Variants in ZNF316 observed in about 807,000 individuals in gnomAD.
The protein encoded by ZNF316 is zinc finger protein 316.
A neutral mutation model predicts 75.6 loss-of-function variants in ZNF316; 23 were observed. The observed-to-expected ratio is 0.30, with a 90% CI of 0.22 to 0.43. ZNF316 has a LOEUF of 0.43. Ranked by LOEUF, ZNF316 falls within the 20% of genes least tolerant of loss-of-function variation. The pLI, the probability that ZNF316 is intolerant of heterozygous loss-of-function variation, is 1.00. For missense variants in ZNF316, 1,266 were observed against 1,409.4 expected (o/e 0.90, Z 1.63); for synonymous variants, 827 against 666.2 (o/e 1.24, Z -3.72).
intron 8 of ZNF316, among the ~76,000 whole-genome samples, chr7:6,648,166 G>C (rs1779442995): frequency 6.6e-6 from 1 of 152,114 alleles, no homozygotes; most frequent in South Asian, 2.1e-4. Context: ...CAGGGCCTGA[G>C]GGCCTTGGCA....
intron 8 of ZNF316, among the ~76,000 whole-genome samples, chr7:6,650,643 G>A (rs896262911): frequency 6.6e-6 from 1 of 152,200 alleles, no homozygotes; most frequent in Admixed American, 6.5e-5. Context: ...TTTCCCTCTA[G>A]GGCAGCACTC....
At position 6,655,728 on chromosome 7, in the gene ZNF316, A is replaced by G. The variant is rs1246587634; in HGVS notation, c.*1117A>G. Reference sequence around the variant, plus strand: ...GTTTCTGTTTAGAGTCCCATTTCACAAATTGGTTAGTGGAGGCACCCGTGG... The same window carrying G: ...GTTTCTGTTTAGAGTCCCATTTCACGAATTGGTTAGTGGAGGCACCCGTGG... On this transcript the variant is annotated 3_prime_UTR_variant, in exon 9 of 9. Transcript: ENST00000382252. 2.0e-5 allele frequency: 3 copies of G among 152,212 alleles called. No homozygotes were observed. Among genetic ancestry groups the G allele is most frequent in the African/African-American group, 7.2e-5 (3 of 41,432 alleles). The allele number at this position is 152,212 out of a possible 1,614,324, so 9.4% of individuals were successfully genotyped here.
At position 6,639,623 on chromosome 7, in the gene ZNF316, G is replaced by C. The variant is rs1252753208; in HGVS notation, c.-167+482G>C. On this transcript the variant is annotated intron_variant, in intron 3 of 8. Transcript: ENST00000382252. The surrounding 1 kb of genome is among the most constrained non-coding windows in gnomAD (Gnocchi z 4.2). ...GTTCTTCTGTTGTGTCCTCATATAT[G>C]GCGGCCTGGCTCTGGGAGTTTAAAG... 1.3e-5 allele frequency among the ~76,000 whole-genome samples: 2 copies of C among 152,198 alleles called. No individual in the cohort carries two copies. The highest frequency in any genetic ancestry group is 4.8e-5 in the African/African-American group (2 of 41,432).
chr7:6,652,601 A>G lies in ZNF316; in HGVS notation c.1005A>G (p.Ala335=), dbSNP rs1779529178. 2 of 1,230,402 alleles carry G rather than the reference A, an allele frequency of 1.6e-6. No homozygotes were observed. Among genetic ancestry groups the G allele is most frequent in the African/African-American group, 1.6e-5 (1 of 64,438 alleles). 76.2% of individuals were successfully genotyped at this position (1,230,402 alleles called of 1,614,324 possible). Residue 335 remains alanine (A), a synonymous_variant, in exon 9 of 9, where the codon GCA becomes GCG. Transcript: ENST00000382252. The part of the protein sequence containing the change: ...NLLSPWAFPA[A]VAPPAGRPET... The stretch of plus-strand genomic sequence containing the variant: ...TGTCGCCCTGGGCGTTCCCCGCCGC[A>G]GTGGCCCCGCCGGCCGGGAGGCCGG...
At position 6,654,841 on chromosome 7, in the gene ZNF316, A is replaced by C. The variant is rs1583448632; in HGVS notation, c.*230A>C. 1 of 301,798 alleles carries C rather than the reference A, an allele frequency of 3.3e-6. No individual in the cohort carries two copies. Among genetic ancestry groups the C allele is most frequent in the East Asian group, 6.2e-5 (1 of 16,144 alleles). The allele number at this position is 301,798 out of a possible 1,614,324, so 18.7% of individuals were successfully genotyped here. ...AGAGCAGCGCGGAGGCAGCGAGGCC[A>C]GGACGTCACCCCCACGGAGACTGCG... On this transcript the variant is annotated 3_prime_UTR_variant, in exon 9 of 9. Coordinates refer to ENST00000382252, the MANE Select transcript of ZNF316 (RefSeq NM_001278559.2).
At position 6,652,372 on chromosome 7, in the gene ZNF316, T is replaced by C. The variant is rs1583446497; in HGVS notation, c.776T>C (p.Val259Ala). 2 of 1,232,030 alleles carry C rather than the reference T, an allele frequency of 1.6e-6. No individual in the cohort carries two copies. Among genetic ancestry groups the C allele is most frequent in the Non-Finnish European group, 2.0e-6 (2 of 988,044 alleles). 76.3% of individuals were successfully genotyped at this position (1,232,030 alleles called of 1,614,324 possible). A position where few individuals can be genotyped will look rare whatever the true frequency, so the allele number is the denominator to read the frequency against. ...GACGACGAGGACTTCCTGGCGGAGG[T>C]GGCCGAGGAGGAGAACGAGCCCCCA... The part of the protein sequence containing the change: ...EEDDEDFLAE[V>A]AEEENEPPGL... Residue 259 changes from valine (V) to alanine (A), a missense_variant, in exon 9 of 9, where the codon GTG becomes GCG. This residue lies in a region of ZNF316 where 961 missense variants were observed against 990.9 expected (regional missense o/e 0.97). Coordinates refer to ENST00000382252, the MANE Select transcript of ZNF316 (RefSeq NM_001278559.2).
chr7:6,643,106 A>G (rs1358202565), intron 6 of ZNF316, 33 bp downstream of exon 6: 5 of 1,232,730 alleles, frequency 4.1e-6, no homozygotes, highest in Non-Finnish European at 5.1e-6. Context: ...GGCTTGGGTA[A>G]CCTGGGCAGG....
At chr7:6,650,273 T>TGGGG (rs1246113918) in intron 8 of ZNF316, among the ~76,000 whole-genome samples, 1 of 152,178 alleles carries the variant, frequency 6.6e-6, no homozygotes, top group Admixed American at 6.5e-5. Context: ...TGGCCACTGA[T>TGGGG]GGGGACGGGG....
chr7:6,657,643 C>G lies in ZNF316; in HGVS notation c.*3032C>G, dbSNP rs371465432. ...GATGGATTCCTTGAGCTCAGGAGTT[C>G]GAGGCCAGCTGGGACAACACGGCAA... On this transcript the variant is annotated 3_prime_UTR_variant, in exon 9 of 9. Coordinates refer to ENST00000382252, the MANE Select transcript of ZNF316 (RefSeq NM_001278559.2). 1.2e-3 allele frequency among the ~76,000 whole-genome samples: 186 copies of G among 151,886 alleles called. No homozygotes were observed. Among genetic ancestry groups the G allele is most frequent in the African/African-American group, 4.3e-3 (177 of 41,382 alleles).
In ZNF316 at chr7:6,645,310, A is replaced by AGGTGTCT. The variant is rs1349412923; in HGVS notation, c.706+721_706+727dup. On this transcript the variant is annotated intron_variant, in intron 8 of 8. Transcript: ENST00000382252. ...AGCTCTGCAGAGGCCCCTGCCCCAC[A>AGGTGTCT]GGTGTCTGGTTTGGGGCTAGGTGAT... is the stretch of plus-strand genomic sequence containing the variant. Among the ~76,000 whole-genome samples the AGGTGTCT allele has an allele frequency of 2.6e-5, 4 of 152,304 alleles. No homozygotes were observed. In the East Asian group the frequency reaches 7.7e-4, roughly 29 times the overall value.
chr7:6,653,724 C>G lies in ZNF316; in HGVS notation c.2128C>G (p.Gln710Glu). The G allele has an allele frequency of 9.1e-7, 1 of 1,100,566 alleles. No homozygotes were observed. The highest frequency in any genetic ancestry group is 1.1e-6 in the Non-Finnish European group (1 of 902,304). 68.2% of individuals were successfully genotyped at this position (1,100,566 alleles called of 1,614,324 possible). A position where few individuals can be genotyped will look rare whatever the true frequency, so the allele number is the denominator to read the frequency against. ...GCGCCGGGCCGCGCTGGCCAAGCAC[C>G]AGCGCTACCACGCGGGCGAGCGGCC... Reference protein sequence around the residue: ...FGRRAALAKHQRYHAGERPHR... With the variant: ...FGRRAALAKHERYHAGERPHR... The change falls in exon 9 of 9, where the codon CAG (glutamine) becomes GAG (glutamate). Residue 710 changes from glutamine to glutamate, a missense_variant. Transcript: ENST00000382252.
chr7:6,642,298 C>T lies in ZNF316; in HGVS notation c.-28-84C>T. The T allele has an allele frequency of 1.6e-6, 1 of 617,918 alleles. No individual in the cohort carries two copies. The highest frequency in any genetic ancestry group is 2.3e-6 in the Non-Finnish European group (1 of 427,184). 38.3% of individuals were successfully genotyped at this position (617,918 alleles called of 1,614,324 possible). A position where few individuals can be genotyped will look rare whatever the true frequency, so the allele number is the denominator to read the frequency against. On this transcript the variant is annotated intron_variant, in intron 4 of 8. Coordinates refer to ENST00000382252, the MANE Select transcript of ZNF316 (RefSeq NM_001278559.2). The surrounding 1 kb of genome is among the most constrained non-coding windows in gnomAD (Gnocchi z 8.1). The stretch of plus-strand genomic sequence containing the variant: ...GAGGAGTAAATCCTGCTCCCTGCGC[C>T]CCCGCCAGGCTGCGGGAGACCCTGT...
At position 6,652,465 on chromosome 7, in the gene ZNF316, C is replaced by T. The variant is rs62439671; in HGVS notation, c.869C>T (p.Ser290Leu). ...ACGTGGGGGCCCGACGACTCGGATT[C>T]GGCGCAGACTCCAGAGGGGTGGGGA... The part of the protein sequence containing the change: ...PGTWGPDDSD[S>L]AQTPEGWGPD... The change falls in exon 9 of 9, where the codon TCG becomes TTG. Residue 290 changes from serine (S) to leucine (L), a missense_variant. Physicochemically the swap from Ser to Leu is moderately radical, Grantham distance 145. Coordinates refer to ENST00000382252, the MANE Select transcript of ZNF316 (RefSeq NM_001278559.2). 0.034 allele frequency: 42,244 copies of T among 1,231,702 alleles called. 834 individuals are homozygous for T. Among genetic ancestry groups the T allele is most frequent in the South Asian group, 0.046 (1,122 of 24,308 alleles). 76.3% of individuals were successfully genotyped at this position (1,231,702 alleles called of 1,614,324 possible). A position where few individuals can be genotyped will look rare whatever the true frequency, so the allele number is the denominator to read the frequency against.
At position 6,642,784 on chromosome 7, in the gene ZNF316, T is replaced by C; in HGVS notation, c.355+20T>C. 1 of 1,233,288 alleles carries C rather than the reference T, an allele frequency of 8.1e-7. No individual in the cohort carries two copies. Among genetic ancestry groups the C allele is most frequent in the Non-Finnish European group, 1.0e-6 (1 of 988,880 alleles). 76.4% of individuals were successfully genotyped at this position (1,233,288 alleles called of 1,614,324 possible). On this transcript the variant is annotated intron_variant, in intron 5 of 8. Coordinates refer to ENST00000382252, the MANE Select transcript of ZNF316 (RefSeq NM_001278559.2). The surrounding 1 kb of genome is among the most constrained non-coding windows in gnomAD (Gnocchi z 8.1). ...AAAAGGGTAAGAAAAGCAGCCAGCC[T>C]TGGGGAGGAGATGAAGGGGGCTGAG...
rs1345556586 is a variant in ZNF316, at chr7:6,654,766, C to T, written c.*155C>T. On this transcript the variant is annotated 3_prime_UTR_variant, in exon 9 of 9. Coordinates refer to ENST00000382252, the MANE Select transcript of ZNF316 (RefSeq NM_001278559.2). ...TCGCCCTGCGGCCCCGGGTCTCATG[C>T]CCGCCGGGTCCGTGTGCTCAGCCGG... 2 of 589,330 alleles carry T rather than the reference C, an allele frequency of 3.4e-6. No homozygotes were observed. Among genetic ancestry groups the T allele is most frequent in the East Asian group, 5.2e-5 (1 of 19,050 alleles). 36.5% of individuals were successfully genotyped at this position (589,330 alleles called of 1,614,324 possible).
rs1383883677 is a variant in ZNF316 at position 6,654,627 on chromosome 7, C to A, written c.*16C>A. The A allele has an allele frequency of 1.7e-6, 2 of 1,183,442 alleles. No homozygotes were observed. Among genetic ancestry groups the A allele is most frequent in the Non-Finnish European group, 1.0e-6 (1 of 956,634 alleles). The allele number at this position is 1,183,442 out of a possible 1,614,324, so 73.3% of individuals were successfully genotyped here. On this transcript the variant is annotated 3_prime_UTR_variant, in exon 9 of 9. Transcript: ENST00000382252. ...CGTCCTGTGAGGGGCCCGGGGCCGA[C>A]AGCAGCGCAGCCTGCAGGGCCACCG...
At chr7:6,643,503 C>T (rs890097317) in intron 6 of ZNF316, among the ~76,000 whole-genome samples, 3 of 152,202 alleles carry the variant, frequency 2.0e-5, no homozygotes, top group Non-Finnish European at 4.4e-5. Flanking sequence ...CCATGGCTGA[C>T]ATGGCCATTG....
At chr7:6,651,305 C>T (rs1449684923) in intron 8 of ZNF316, among the ~76,000 whole-genome samples, 6 of 150,172 alleles carry the variant, frequency 4.0e-5, no homozygotes, top group Admixed American at 2.6e-4. Flanking sequence ...GGCCGAGATT[C>T]GGCCATTGCA....
rs1779522989 is a variant in ZNF316, at chr7:6,652,417, A to G, written c.821A>G (p.Tyr274Cys). Residue 274 changes from tyrosine (Y) to cysteine (C), a missense_variant, in exon 9 of 9, where the codon TAC (tyrosine) becomes TGC (cysteine). Coordinates refer to ENST00000382252, the MANE Select transcript of ZNF316 (RefSeq NM_001278559.2). Reference protein sequence around the residue: ...NEPPGLWSAAYGVGDVPGTWG... With the variant: ...NEPPGLWSAACGVGDVPGTWG... ...CCCCCAGGGCTCTGGTCGGCGGCCT[A>G]CGGCGTGGGGGACGTGCCTGGGACG... 3 of 1,232,162 alleles carry G rather than the reference A, an allele frequency of 2.4e-6. No individual in the cohort carries two copies. Among genetic ancestry groups the G allele is most frequent in the South Asian group, 4.1e-5 (1 of 24,324 alleles). The allele number at this position is 1,232,162 out of a possible 1,614,324, so 76.3% of individuals were successfully genotyped here.
Sources: gnomAD v4.1 joint callset for allele counts (sites outside exome capture counted in the v4.1 genomes callset) on GRCh38, gnomAD v4.1.1 for gene constraint, gnomAD v4.1.1 regional missense constraint, Gnocchi (gnomAD v3.1) non-coding constraint, MANE v1.5 for transcripts, NCBI Gene and HGNC (gene_info 2026-07-23, HGNC 2026-07-21) for gene names.